Variants in ADGRV1 observed in about 807,000 individuals in gnomAD.
ADGRV1 encodes the protein adhesion G protein-coupled receptor V1.
ADGRV1 carries 359 observed loss-of-function variants against 596.2 expected under a neutral mutation model. The observed-to-expected ratio is 0.60, with a 90% CI of 0.55 to 0.66. The LOEUF (loss-of-function observed/expected upper bound fraction) is 0.66, where lower values mean the gene tolerates loss of function less well. Ranked by LOEUF, ADGRV1 falls within the 30% of genes least tolerant of loss-of-function variation. ADGRV1 has a pLI of 0.00. For synonymous variants in ADGRV1, 2,681 were observed against 2,679.2 expected (o/e 1.00, Z -0.02); for missense variants, 7,274 against 7,575.6 (o/e 0.96, Z 1.48).
chr5:90,791,225 T>C lies in ADGRV1; in HGVS notation c.14396T>C (p.Val4799Ala), dbSNP rs78312651. The change falls in exon 70 of 90, where the codon GTT becomes GCT. Residue 4799 changes from valine to alanine, a missense_variant. Transcript: ENST00000405460. Reference protein sequence around the residue: ...RLAGTFGDVAVGLRISSDHKE... With the variant: ...RLAGTFGDVAAGLRISSDHKE... ...GCTGGAACATTTGGAGATGTGGCTG[T>C]TGGGCTTCGAATATCATCGGATCAT... The C allele has an allele frequency of 6.2e-7, 1 of 1,613,366 alleles. No individual in the cohort carries two copies. Among genetic ancestry groups the C allele is most frequent in the South Asian group, 1.1e-5 (1 of 91,020 alleles).
chr5:91,124,165 A>AT (rs939018061), intron 87 of ADGRV1, among the ~76,000 whole-genome samples: 4 of 152,142 alleles, frequency 2.6e-5, no homozygotes, highest in East Asian at 1.9e-4. Context: ...ACTGAGTAGA[A>AT]TTTTTTTGTG....
chr5:90,575,252 G>A (rs563258425), intron 1 of ADGRV1, among the ~76,000 whole-genome samples: 5 of 151,042 alleles, frequency 3.3e-5, no homozygotes, highest in African/African-American at 9.7e-5. Flanking sequence ...TTTATTTTGT[G>A]TTATGTTATT....
intron 38 of ADGRV1, among the ~76,000 whole-genome samples, chr5:90,708,437 CTTT>C (rs34939014): frequency 6.9e-6 from 1 of 144,160 alleles, no homozygotes; most frequent in African/African-American, 2.5e-5. Flanking sequence ...ACTGCAGAGC[CTTT>C]TTTTTTTTCC....
intron 83 of ADGRV1, among the ~76,000 whole-genome samples, chr5:90,909,452 AGT>A (rs1772642854): frequency 2.0e-5 from 3 of 152,088 alleles, no homozygotes; most frequent in African/African-American, 7.2e-5. Context: ...TTGGCTGGTT[AGT>A]ATAGCTGGCT....
intron 50 of ADGRV1, among the ~76,000 whole-genome samples, chr5:90,739,107 A>G (rs1327629160): frequency 6.6e-6 from 1 of 151,854 alleles, no homozygotes; most frequent in Non-Finnish European, 1.5e-5. Context: ...AATTTTTAGA[A>G]TAGTCATTGT....
intron 86 of ADGRV1, among the ~76,000 whole-genome samples, chr5:91,098,054 C>A (rs1562215631): frequency 6.6e-6 from 1 of 152,130 alleles, no homozygotes; most frequent in Non-Finnish European, 1.5e-5. Flanking sequence ...TTTATCTTCA[C>A]TAATTCACTC....
chr5:90,966,193 G>C (rs1333659251), intron 84 of ADGRV1, among the ~76,000 whole-genome samples: 2 of 152,098 alleles, frequency 1.3e-5, no homozygotes, highest in African/African-American at 4.8e-5. Flanking sequence ...AGTTTCGTTT[G>C]GGACATGCTG....
intron 70 of ADGRV1, among the ~76,000 whole-genome samples, chr5:90,794,954 A>G (rs922341404): frequency 6.6e-6 from 1 of 152,024 alleles, no homozygotes; most frequent in African/African-American, 2.4e-5. Flanking sequence ...TGGCCCAGAT[A>G]CTGTGCTTTC....
chr5:90,860,974 T>C (rs1304585349), intron 82 of ADGRV1, among the ~76,000 whole-genome samples: 1 of 152,186 alleles, frequency 6.6e-6, no homozygotes, highest in African/African-American at 2.4e-5. Flanking sequence ...ACATATGTAA[T>C]GTATATATGT....
chr5:90,862,848 G>A (rs1012713010), intron 82 of ADGRV1, among the ~76,000 whole-genome samples: 1 of 152,188 alleles, frequency 6.6e-6, no homozygotes, highest in Admixed American at 6.5e-5. Flanking sequence ...TTTTGCAGAT[G>A]CCCAGTCCAC....
At chr5:91,160,782 G>A (rs1796877703) in intron 89 of ADGRV1, among the ~76,000 whole-genome samples, 1 of 152,130 alleles carries the variant, frequency 6.6e-6, no homozygotes. Context: ...TTATACTTGT[G>A]TGTAATATAT....
intron 85 of ADGRV1, among the ~76,000 whole-genome samples, chr5:91,049,181 A>C (rs990753169): frequency 6.6e-6 from 1 of 152,220 alleles, no homozygotes; most frequent in African/African-American, 2.4e-5. Flanking sequence ...TTCTAGGTAA[A>C]CTAGTAAACC....
intron 85 of ADGRV1, among the ~76,000 whole-genome samples, chr5:91,042,340 C>G (rs1257234529): frequency 6.6e-6 from 1 of 152,190 alleles, no homozygotes; most frequent in Non-Finnish European, 1.5e-5. Context: ...AGCTTTCTTA[C>G]AGCCACCAAG....
At chr5:90,868,042 A>G (rs759811423) in intron 83 of ADGRV1, among the ~76,000 whole-genome samples, 9 of 152,140 alleles carry the variant, frequency 5.9e-5, no homozygotes, top group Admixed American at 1.3e-4. Context: ...AGAAAGTAGC[A>G]AGGAAAGTGT....
chr5:91,102,160 G>T, intron 86 of ADGRV1, 59 bp from the exon 87 acceptor site: 2 of 1,517,308 alleles, frequency 1.3e-6, no homozygotes, highest in Non-Finnish European at 9.0e-7. Context: ...AAATAACTGT[G>T]TATACATGTG....
At chr5:90,627,917 GACACACACACACACACACACACACACAC>G (rs3041948) in intron 7 of ADGRV1, 141 bp downstream of exon 7, 1 of 222,242 alleles carries the variant, frequency 4.5e-6, no homozygotes, top group Non-Finnish European at 8.2e-6. Flanking sequence ...ACTCAGAAAA[GACACACACACACACACACACACACACAC>G]ACACACACAC....
At position 90,703,689 on chromosome 5, in the gene ADGRV1, TAAG is replaced by T. The variant is rs1326374112; in HGVS notation, c.8183_8185del (p.Arg2728del). The T allele has an allele frequency of 6.2e-7, 1 of 1,603,978 alleles. No homozygotes were observed. Among genetic ancestry groups the T allele is most frequent in the African/African-American group, 1.3e-5 (1 of 74,690 alleles). On this transcript the variant is annotated inframe_deletion, in exon 35 of 90. Coordinates refer to ENST00000405460, the MANE Select transcript of ADGRV1 (RefSeq NM_032119.4). ...GGAGAAATTTTACAATTCCATGTGA[TAAG>T]AACTTTCCCTGGTCGAGGAAATGTT...
chr5:90,652,659 C>T (rs1036010041), intron 19 of ADGRV1, 96 bp downstream of exon 19: 100 of 724,854 alleles, frequency 1.4e-4, no homozygotes, highest in Non-Finnish European at 1.9e-4. Flanking sequence ...ATACAAAATG[C>T]AATTGGTGAA....
At chr5:90,640,572 G>T (rs1158551169) in intron 11 of ADGRV1, 1 of 152,268 alleles carries the variant, frequency 6.6e-6, no homozygotes, top group East Asian at 1.9e-4. Flanking sequence ...TGTCTTGAAT[G>T]GGTCTTGACA....
Sources: gnomAD v4.1 joint callset for allele counts (sites outside exome capture counted in the v4.1 genomes callset) on GRCh38, gnomAD v4.1.1 for gene constraint, MANE v1.5 for transcripts, NCBI Gene and HGNC (gene_info 2026-07-23, HGNC 2026-07-21) for gene names.